The following PPP1R13B variants were observed in gnomAD, a reference collection of about 807,000 sequenced individuals.
PPP1R13B encodes apoptosis-stimulating of p53 protein 1.
In PPP1R13B, 44 loss-of-function variants were observed where a neutral mutation model predicts 119.8. That is an observed-to-expected ratio of 0.37 (90% CI 0.29 to 0.47). The LOEUF is 0.47. PPP1R13B is among the 20% of genes least tolerant of loss of function. The pLI, the probability that PPP1R13B is intolerant of heterozygous loss-of-function variation, is 0.99. For synonymous variants in PPP1R13B, 542 were observed against 561.5 expected (o/e 0.97, Z 0.49); for missense variants, 1,227 against 1,413.5 (o/e 0.87, Z 2.12).
intron 12 of PPP1R13B, 106 bp downstream of exon 12, chr14:103,739,718 T>C: frequency 7.5e-7 from 1 of 1,337,040 alleles, no homozygotes. Flanking sequence ...GGGACATCCC[T>C]GGTTCCCACT....
intron 1 of PPP1R13B, among the ~76,000 whole-genome samples, chr14:103,819,781 C>T (rs754153961): frequency 6.6e-6 from 1 of 152,086 alleles, no homozygotes; most frequent in Non-Finnish European, 1.5e-5. Context: ...GGTTGTTAGG[C>T]TATCCCTCCA....
intron 16 of PPP1R13B, 44 bp downstream of exon 16, chr14:103,735,959 A>G (rs751706514): frequency 6.2e-7 from 1 of 1,601,084 alleles, no homozygotes; most frequent in South Asian, 1.1e-5. Context: ...TGCTGTACAG[A>G]GACACGGGCA....
intron 1 of PPP1R13B, among the ~76,000 whole-genome samples, chr14:103,807,685 G>A (rs751978067): frequency 6.6e-6 from 1 of 151,900 alleles, no homozygotes; most frequent in Non-Finnish European, 1.5e-5. Flanking sequence ...TAGAAGAGAC[G>A]GGGTTTCACC....
chr14:103,746,055 C>T lies in PPP1R13B; in HGVS notation c.1150+318G>A, dbSNP rs1347859668. On this transcript the variant is annotated intron_variant, in intron 9 of 16. Transcript: ENST00000202556. ...TCCTGACCTCAGGTGATCCACCCGC[C>T]TTGGCCTCCCAAAGTGCTGGGATTA... Among the ~76,000 whole-genome samples, 6 of 152,372 alleles carry T rather than the reference C, an allele frequency of 3.9e-5. No individual in the cohort carries two copies. In the East Asian group the frequency reaches 1.2e-3, roughly 29 times the overall value.
At chr14:103,842,281 CA>C (rs1452367682) in intron 1 of PPP1R13B, among the ~76,000 whole-genome samples, 2 of 150,614 alleles carry the variant, frequency 1.3e-5, no homozygotes, top group Non-Finnish European at 3.0e-5. Flanking sequence ...CATCACCAAA[CA>C]CCACCACCAG....
At chr14:103,759,521 G>C (rs2084755346) in intron 4 of PPP1R13B, among the ~76,000 whole-genome samples, 1 of 150,850 alleles carries the variant, frequency 6.6e-6, no homozygotes, top group South Asian at 2.1e-4. Context: ...GCCTGTGCTG[G>C]CCTCAATCTC....
Position 103,824,208 on chromosome 14 carries a change from G to A in PPP1R13B, c.9+23091C>T, listed in dbSNP as rs183021605. ...CTACAGGTGCGTGCAACCACGCCCA[G>A]CTAATTTCTGTATTTTTAGTAGAGA... On this transcript the variant is annotated intron_variant, in intron 1 of 16. Transcript: ENST00000202556. Among the ~76,000 whole-genome samples the A allele has an allele frequency of 2.1e-3, 310 of 150,748 alleles. 2 individuals are homozygous for A. The highest frequency in any genetic ancestry group is 6.6e-3 in the African/African-American group (273 of 41,256).
chr14:103,749,420 T>C (rs766584184), intron 8 of PPP1R13B, among the ~76,000 whole-genome samples: 30 of 152,116 alleles, frequency 2.0e-4, no homozygotes, highest in Admixed American at 5.9e-4. Context: ...AGCAAGAACA[T>C]GAGGCTACGC....
chr14:103,752,077 C>T (rs1044057844), intron 7 of PPP1R13B, among the ~76,000 whole-genome samples: 5 of 152,050 alleles, frequency 3.3e-5, no homozygotes, highest in African/African-American at 1.2e-4. Context: ...GCTGGGGACC[C>T]GGAGCATTTC....
At chr14:103,752,877 G>T in intron 7 of PPP1R13B, 123 bp downstream of exon 7, 1 of 1,067,208 alleles carries the variant, frequency 9.4e-7, no homozygotes, top group Non-Finnish European at 1.3e-6. Flanking sequence ...AATATATCTT[G>T]TGCCTATTAT....
Position 103,740,133 on chromosome 14 carries a change from T to G in PPP1R13B, c.2283A>C (p.Gly761=). The G allele has an allele frequency of 6.2e-7, 1 of 1,613,604 alleles. No homozygotes were observed. Among genetic ancestry groups the G allele is most frequent in the Non-Finnish European group, 8.5e-7 (1 of 1,180,010 alleles). Residue 761 remains glycine, a synonymous_variant, in exon 12 of 17, where the codon GGA becomes GGC. Coordinates refer to ENST00000202556, the MANE Select transcript of PPP1R13B (RefSeq NM_015316.3). This position sits in a 1 kb window ranked among gnomAD's most constrained non-coding sequence, Gnocchi z 4.6. The part of the protein sequence containing the change: ...FMGTLADVDN[G]NTNANGNLEE... ...CCAGGTTTCCATTGGCATTGGTGTT[T>G]CCATTGTCCACATCGGCCAAGGTGC...
intron 1 of PPP1R13B, among the ~76,000 whole-genome samples, chr14:103,806,377 A>C (rs2086018495): frequency 6.6e-6 from 1 of 152,208 alleles, no homozygotes; most frequent in Non-Finnish European, 1.5e-5. Context: ...ATAACAAAAA[A>C]TAACTGAAGA....
intron 1 of PPP1R13B, among the ~76,000 whole-genome samples, chr14:103,833,358 A>G (rs1469604283): frequency 6.6e-6 from 1 of 151,886 alleles, no homozygotes; most frequent in African/African-American, 2.4e-5. Flanking sequence ...CAATCTTTCT[A>G]CCTGGCCAGG....
At chr14:103,798,447 C>T (rs1477344928) in intron 1 of PPP1R13B, among the ~76,000 whole-genome samples, 6 of 151,752 alleles carry the variant, frequency 4.0e-5, no homozygotes, top group Admixed American at 2.0e-4. Flanking sequence ...CCACCACACC[C>T]GGCCAAGAAT....
chr14:103,787,105 C>T (rs1264373950), intron 2 of PPP1R13B, among the ~76,000 whole-genome samples: 2 of 151,982 alleles, frequency 1.3e-5, no homozygotes, highest in African/African-American at 2.4e-5. Context: ...CCACCTGCCT[C>T]GGCTGCCCAA....
intron 3 of PPP1R13B, among the ~76,000 whole-genome samples, chr14:103,781,329 C>T (rs774475405): frequency 6.6e-6 from 1 of 152,150 alleles, no homozygotes; most frequent in South Asian, 2.1e-4. Context: ...GGTGGATGTT[C>T]CCAGAGAGGA....
chr14:103,762,208 C>T (rs1014935877), intron 4 of PPP1R13B, among the ~76,000 whole-genome samples: 4 of 152,168 alleles, frequency 2.6e-5, no homozygotes, highest in Admixed American at 6.5e-5. Context: ...TAAGCTACAG[C>T]ATAAACGATG....
At chr14:103,832,998 A>G (rs539361952) in intron 1 of PPP1R13B, among the ~76,000 whole-genome samples, 1 of 152,214 alleles carries the variant, frequency 6.6e-6, no homozygotes, top group African/African-American at 2.4e-5. Context: ...GAAAAAAAAA[A>G]AAGATCCATC....
Position 103,763,168 on chromosome 14 carries a change from C to T in PPP1R13B, c.355-5417G>A, listed in dbSNP as rs1054586211. The T allele has an allele frequency of 2.3e-5, 14 of 602,340 alleles. No individual in the cohort carries two copies. The East Asian group carries it at 2.8e-4, about 12-fold the overall frequency. 37.3% of individuals were successfully genotyped at this position (602,340 alleles called of 1,614,324 possible). A position where few individuals can be genotyped will look rare whatever the true frequency, so the allele number is the denominator to read the frequency against. On this transcript the variant is annotated intron_variant, in intron 4 of 16. Coordinates refer to ENST00000202556, the MANE Select transcript of PPP1R13B (RefSeq NM_015316.3). Reference sequence around the variant, plus strand: ...TATGACAGGGATAATGAGATGGACCCGGATTTCAGAAACAATAAAATGTGG... The same window carrying T: ...TATGACAGGGATAATGAGATGGACCTGGATTTCAGAAACAATAAAATGTGG...
Sources: gnomAD v4.1 joint callset for allele counts (sites outside exome capture counted in the v4.1 genomes callset) on GRCh38, gnomAD v4.1.1 for gene constraint, Gnocchi (gnomAD v3.1) non-coding constraint, MANE v1.5 for transcripts, NCBI Gene and HGNC (gene_info 2026-07-23, HGNC 2026-07-21) for gene names.